The following P2RX1 variants were observed in gnomAD, a reference collection of about 807,000 sequenced individuals.
The protein encoded by P2RX1 is purinergic receptor P2X 1.
In P2RX1, 42 loss-of-function variants were observed where a neutral mutation model predicts 50.3. That is an observed-to-expected ratio of 0.83 (90% CI 0.65 to 1.08). The LOEUF (loss-of-function observed/expected upper bound fraction) is 1.08. P2RX1 is among the 50% of genes least tolerant of loss of function. P2RX1 has a pLI of 0.00. For synonymous variants in P2RX1, 199 were observed against 202.6 expected, an observed-to-expected ratio of 0.98 and a Z score of 0.15; for missense variants, 449 against 529.0, an observed-to-expected ratio of 0.85 and a Z score of 1.48.
intron 1 of P2RX1, chr17:3,915,803 CACT>C (rs1328686557): frequency 1.8e-6 from 1 of 566,100 alleles, no homozygotes; most frequent in East Asian, 4.1e-5. Flanking sequence ...CCCTGAACAC[CACT>C]AACCACTCAA....
intron 1 of P2RX1, among the ~76,000 whole-genome samples, chr17:3,905,612 C>T (rs780610674): frequency 4.6e-5 from 7 of 152,144 alleles, no homozygotes; most frequent in Non-Finnish European, 8.8e-5. Flanking sequence ...TTTTGGGAGG[C>T]CGAGGCGGGT....
chr17:3,913,370 T>C (rs1245278255), intron 1 of P2RX1, among the ~76,000 whole-genome samples: 2 of 152,052 alleles, frequency 1.3e-5, no homozygotes, highest in Non-Finnish European at 2.9e-5. Flanking sequence ...CAGGTGATCC[T>C]CCCACCTCAG....
At position 3,903,427 on chromosome 17, in the gene P2RX1, A is replaced by G; in HGVS notation, c.606-84T>C. 2 of 1,596,898 alleles carry G rather than the reference A, an allele frequency of 1.3e-6. No homozygotes were observed. Among genetic ancestry groups the G allele is most frequent in the Non-Finnish European group, 1.7e-6 (2 of 1,167,430 alleles). On this transcript the variant is annotated intron_variant, in intron 6 of 11. Coordinates refer to ENST00000225538, the MANE Select transcript of P2RX1 (RefSeq NM_002558.4). The surrounding 1 kb of genome is among the most constrained non-coding windows in gnomAD (Gnocchi z 4.6). ...GCCCCAAAGCCTGGGGACCCCTCAC[A>G]GGCTCCACATTGCCCCTTTGATTCC...
rs1395159758 is a variant in P2RX1 at position 3,903,559 on chromosome 17, C to G, written c.597G>C (p.Lys199Asn). 1.2e-6 allele frequency: 2 copies of G among 1,614,186 alleles called. No individual in the cohort carries two copies. Among genetic ancestry groups the G allele is most frequent in the Admixed American group, 3.3e-5 (2 of 60,038 alleles). ...IKNSISFPRF[K>N]VNRRNLVEEV... is the part of the protein sequence containing the mutation. Reference sequence around the variant, plus strand: ...CCGAATTTCCCACGCACCTGTTGACCTTGAAGCGTGGAAAGCTGATGCTGT... The same window carrying G: ...CCGAATTTCCCACGCACCTGTTGACGTTGAAGCGTGGAAAGCTGATGCTGT... The change falls in exon 6 of 12, where the codon AAG becomes AAC. Residue 199 changes from lysine (K) to asparagine (N), a missense_variant. By Grantham distance (94) the Lys-to-Asn change is moderately conservative (BLOSUM62 0). Coordinates refer to ENST00000225538, the MANE Select transcript of P2RX1 (RefSeq NM_002558.4). The surrounding 1 kb of genome is among the most constrained non-coding windows in gnomAD (Gnocchi z 4.6).
chr17:3,904,783 GC>G (rs1597517746), intron 3 of P2RX1, 74 bp downstream of exon 3: 1 of 1,173,228 alleles, frequency 8.5e-7, no homozygotes, highest in African/African-American at 1.5e-5. Flanking sequence ...CCCCTCCAGT[GC>G]CCCTGGAGAC....
At chr17:3,906,156 G>A (rs946886929) in intron 1 of P2RX1, among the ~76,000 whole-genome samples, 6 of 151,830 alleles carry the variant, frequency 4.0e-5, no homozygotes, top group African/African-American at 1.2e-4. Context: ...TTTTGAGACG[G>A]AGTCTCGCTT....
intron 10 of P2RX1, among the ~76,000 whole-genome samples, 184 bp from the exon 11 acceptor site, chr17:3,898,294 A>C (rs958845576): frequency 3.3e-5 from 5 of 151,582 alleles, no homozygotes; most frequent in Admixed American, 2.6e-4. Context: ...TTCCACCCCA[A>C]CTCTGTCCTG....
chr17:3,909,866 T>C (rs1388284937), intron 1 of P2RX1, among the ~76,000 whole-genome samples: 1 of 152,080 alleles, frequency 6.6e-6, no homozygotes, highest in Admixed American at 6.5e-5. Context: ...CAAAAGGCTC[T>C]TAATACCCCC....
At chr17:3,898,140 G>T (rs149912938) in intron 10 of P2RX1, 30 bp from the exon 11 acceptor site, 66 of 1,586,252 alleles carry the variant, frequency 4.2e-5, no homozygotes, top group African/African-American at 1.3e-5. Context: ...CGGAGACAGC[G>T]TGGGAATCCG....
chr17:3,904,359 G>T lies in P2RX1; in HGVS notation c.398C>A (p.Thr133Asn). The change falls in exon 4 of 12, where the codon ACC becomes AAC. Residue 133 changes from threonine (T) to asparagine (N), a missense_variant. Physicochemically the swap from Thr to Asn is moderately conservative, Grantham distance 65. Transcript: ENST00000225538. ...GGCCTTCCTCTTGGCCTTCCCAGGGGTACAGCCACTGTCTTCCTTGCATAT... is the reference window on the plus strand; with the variant it reads ...GGCCTTCCTCTTGGCCTTCCCAGGGTTACAGCCACTGTCTTCCTTGCATAT... ...GGICKEDSGC[T>N]PGKAKRKAQG... 6.2e-7 allele frequency: 1 copy of T among 1,614,056 alleles called. No homozygotes were observed. Among genetic ancestry groups the T allele is most frequent in the Non-Finnish European group, 8.5e-7 (1 of 1,179,978 alleles).
At chr17:3,913,633 T>C (rs577736895) in intron 1 of P2RX1, among the ~76,000 whole-genome samples, 1 of 152,154 alleles carries the variant, frequency 6.6e-6, no homozygotes, top group East Asian at 1.9e-4. Flanking sequence ...TCTCTGAGTC[T>C]CGGGACCTCC....
chr17:3,911,334 A>G (rs184854927), intron 1 of P2RX1, among the ~76,000 whole-genome samples: 2 of 151,664 alleles, frequency 1.3e-5, no homozygotes, highest in South Asian at 2.1e-4. Context: ...TACGTCACCA[A>G]TCTCTAAAAA....
At chr17:3,898,658 C>T in intron 9 of P2RX1, 109 bp from the exon 10 acceptor site, 2 of 851,598 alleles carry the variant, frequency 2.3e-6, no homozygotes, top group Non-Finnish European at 2.0e-6. Flanking sequence ...TGAACTGTCC[C>T]CACCTCGGAC....
At chr17:3,902,349 A>G (rs1006137067) in intron 7 of P2RX1, among the ~76,000 whole-genome samples, 4 of 151,432 alleles carry the variant, frequency 2.6e-5, no homozygotes, top group African/African-American at 9.7e-5. Context: ...TCTGGAGTGC[A>G]GTGGCGTGAT....
rs111704562 is a variant in P2RX1 at position 3,909,177 on chromosome 17, C to T, written c.138-3810G>A. ...TCCCGAGTAGCTGGGACTACGGGCG[C>T]GCCCCACCACGCCCGGCTAATTTTT... is the stretch of plus-strand genomic sequence containing the variant. On this transcript the variant is annotated intron_variant, in intron 1 of 11. Transcript: ENST00000225538. Among the ~76,000 whole-genome samples the T allele has an allele frequency of 4.5e-3, 684 of 152,210 alleles. 5 individuals are homozygous for T. The highest frequency in any genetic ancestry group is 0.016 in the African/African-American group (649 of 41,526).
chr17:3,902,700 C>CG lies in P2RX1; in HGVS notation c.747+501dup, dbSNP rs1396529946. Among the ~76,000 whole-genome samples, 5 of 151,958 alleles carry CG rather than the reference C, an allele frequency of 3.3e-5. No homozygotes were observed. In the East Asian group the frequency reaches 9.7e-4, roughly 29 times the overall value. On this transcript the variant is annotated intron_variant, in intron 7 of 11. Transcript: ENST00000225538. ...TTAGCTCACTGCAACCTCTGCCTCC[C>CG]GGGTTCAAGTGATTCTCCTGCCTCA...
In P2RX1 at chr17:3,903,077, G is replaced by A. The variant is rs911876741; in HGVS notation, c.747+125C>T. ...ACGCTCAGGGGGCCCCAGTATCAGG[G>A]GACAGACCCATACATATACTCAGCC... On this transcript the variant is annotated intron_variant, in intron 7 of 11. Coordinates refer to ENST00000225538, the MANE Select transcript of P2RX1 (RefSeq NM_002558.4). The surrounding 1 kb of genome is among the most constrained non-coding windows in gnomAD (Gnocchi z 4.6). 8.1e-6 allele frequency: 11 copies of A among 1,358,352 alleles called. No homozygotes were observed. Among genetic ancestry groups the A allele is most frequent in the African/African-American group, 5.7e-5 (4 of 69,926 alleles). 84.1% of individuals were successfully genotyped at this position (1,358,352 alleles called of 1,614,324 possible).
chr17:3,899,830 G>T, intron 7 of P2RX1, 69 bp from the exon 8 acceptor site: 1 of 1,583,180 alleles, frequency 6.3e-7, no homozygotes, highest in Non-Finnish European at 8.6e-7. Context: ...GCCGGGCGCA[G>T]TGGCTCACAC....
rs374978319 is a variant in P2RX1, at chr17:3,897,898, G to T, written c.1135-19C>A. ...GCTCAGCCTGTGTACGTGGTGCAAG[G>T]GTTGGGGGATACAAGTCAGTGCTGG... is the stretch of plus-strand genomic sequence containing the variant. On this transcript the variant is annotated intron_variant, in intron 11 of 11. Coordinates refer to ENST00000225538, the MANE Select transcript of P2RX1 (RefSeq NM_002558.4). 2.7e-5 allele frequency: 43 copies of T among 1,613,790 alleles called. No individual in the cohort carries two copies. In the African/African-American group the frequency reaches 3.3e-4, roughly 13 times the overall value.
Sources: allele counts gnomAD v4.1 joint callset (sites outside exome capture counted in the v4.1 genomes callset), GRCh38; gene constraint gnomAD v4.1.1; non-coding constraint Gnocchi (gnomAD v3.1); transcripts MANE v1.5; gene names NCBI Gene and HGNC (gene_info 2026-07-23, HGNC 2026-07-21).